GSN: variants seen among roughly 807,000 people sequenced by gnomAD.
GSN encodes the protein actin-depolymerizing factor.
In GSN, 56 loss-of-function variants were observed where a neutral mutation model predicts 85.7. That is an observed-to-expected ratio of 0.65 (90% CI 0.53 to 0.82). The LOEUF is 0.82. Among genes scored for constraint, GSN ranks in the 40% least tolerant of loss-of-function variants. GSN has a pLI of 0.00. For missense variants in GSN, 857 were observed against 979.8 expected (o/e 0.87, Z 1.67); for synonymous variants, 373 against 399.1 (o/e 0.93, Z 0.78).
At chr9:121,288,178 T>C (rs1385793675) in intron 2 of GSN, among the ~76,000 whole-genome samples, 1 of 152,164 alleles carries the variant, frequency 6.6e-6, no homozygotes, top group Non-Finnish European at 1.5e-5. Context: ...TCCTCCCGCC[T>C]CAGCCTTCCA....
intron 4 of GSN, among the ~76,000 whole-genome samples, chr9:121,212,832 A>T (rs2053992311): frequency 6.6e-6 from 1 of 151,782 alleles, no homozygotes. Context: ...TTTTTTTAGT[A>T]GAGTAGGGGT....
intron 6 of GSN, among the ~76,000 whole-genome samples, chr9:121,256,605 C>T (rs909039642): frequency 3.3e-5 from 5 of 151,918 alleles, no homozygotes; most frequent in South Asian, 4.2e-4. Flanking sequence ...AGGCTGGGCT[C>T]GGTGGCTTAT....
At chr9:121,201,650 C>G in the GSN span, 1 of 152,424 alleles carries the variant, frequency 6.6e-6, no homozygotes, top group Non-Finnish European at 1.5e-5. Context: ...TGGGGGGTTG[C>G]TGGTGGCTGG....
At chr9:121,286,718 C>T (rs1285614173) in intron 2 of GSN, 2 of 1,535,328 alleles carry the variant, frequency 1.3e-6, no homozygotes, top group African/African-American at 2.7e-5. Flanking sequence ...CCATCATTCT[C>T]CTTACCTGTC....
chr9:121,241,518 G>A (rs767022133), intron 5 of GSN, among the ~76,000 whole-genome samples: 2 of 152,008 alleles, frequency 1.3e-5, no homozygotes, highest in Non-Finnish European at 2.9e-5. Context: ...TAACCTCTTC[G>A]GGCCTTAGTT....
chr9:121,308,535 C>G (rs572134027), intron 4 of GSN: 1 of 152,328 alleles, frequency 6.6e-6, no homozygotes, highest in South Asian at 2.1e-4. Context: ...CAAAAATTAG[C>G]TGGGCATGGT....
intron 4 of GSN, among the ~76,000 whole-genome samples, chr9:121,220,084 T>C (rs1413280224): frequency 6.6e-6 from 1 of 152,190 alleles, no homozygotes; most frequent in Non-Finnish European, 1.5e-5. Flanking sequence ...GGTTTCTCCA[T>C]GTTGGTCAGG....
At chr9:121,286,327 A>G (rs2058069950) in intron 2 of GSN, 1 of 638,686 alleles carries the variant, frequency 1.6e-6, no homozygotes. Context: ...TTCCAATTCT[A>G]TTCTCTCCCT....
At chr9:121,228,424 ATTTTTTTTTTTTTTTTT>A (rs869071386) in intron 4 of GSN, among the ~76,000 whole-genome samples, 2 of 48,120 alleles carry the variant, frequency 4.2e-5, no homozygotes, top group African/African-American at 1.7e-4. Flanking sequence ...ATATATATAT[ATTTTTTTTTTTTTTTTT>A]TTTTTTTTTT....
intron 5 of GSN, among the ~76,000 whole-genome samples, chr9:121,237,292 T>C (rs1247692976): frequency 1.3e-5 from 2 of 152,194 alleles, no homozygotes; most frequent in Non-Finnish European, 2.9e-5. Flanking sequence ...CTAGGGGTGA[T>C]GTCTCATGCC....
intron 1 of GSN, among the ~76,000 whole-genome samples, chr9:121,277,135 G>A (rs1357424013): frequency 6.7e-6 from 1 of 150,056 alleles, no homozygotes; most frequent in African/African-American, 2.5e-5. Flanking sequence ...AGATCCAGTG[G>A]TAGATCTTGG....
chr9:121,230,096 A>G (rs2054357897), intron 4 of GSN, among the ~76,000 whole-genome samples: 1 of 152,100 alleles, frequency 6.6e-6, no homozygotes. Flanking sequence ...TTGATATTCA[A>G]ATTGTCTCAT....
chr9:121,244,686 C>T (rs764250597), intron 5 of GSN, among the ~76,000 whole-genome samples: 2 of 152,118 alleles, frequency 1.3e-5, no homozygotes, highest in Non-Finnish European at 1.5e-5. Flanking sequence ...AAATTTTAAT[C>T]GATGGAAAAC....
intron 7 of GSN, among the ~76,000 whole-genome samples, chr9:121,315,498 T>A (rs2061609130): frequency 6.6e-6 from 1 of 152,080 alleles, no homozygotes. Context: ...GCATGGTGGC[T>A]CACCCCTGTA....
At chr9:121,228,424 ATTTT>A (rs869071386) in intron 4 of GSN, among the ~76,000 whole-genome samples, 493 of 47,944 alleles carry the variant, frequency 0.01, 1 homozygote, top group East Asian at 0.042. Context: ...ATATATATAT[ATTTT>A]TTTTTTTTTT....
chr9:121,231,261 A>G (rs1035979988), exon 5 of GSN: 1 of 152,198 alleles, frequency 6.6e-6, no homozygotes, highest in African/African-American at 2.4e-5. Flanking sequence ...CTCATCAGCA[A>G]ACGGCATTCC....
upstream of GSN, among the ~76,000 whole-genome samples, chr9:121,266,982 C>G (rs1274427897): frequency 2.0e-5 from 3 of 152,178 alleles, no homozygotes; most frequent in Non-Finnish European, 4.4e-5. Context: ...ACAGCCTTTT[C>G]TGCTCTGATC....
chr9:121,324,610 A>G lies in GSN; in HGVS notation c.1382A>G (p.Gln461Arg), dbSNP rs1242355446. Residue 461 changes from glutamine (Q) to arginine (R), a missense_variant, in exon 12 of 18, where the codon CAG becomes CGG. Physicochemically the swap from Gln to Arg is conservative, Grantham distance 43. Coordinates refer to ENST00000432226, the MANE Select transcript of GSN (RefSeq NM_198252.3). The stretch of plus-strand genomic sequence containing the variant: ...GCTGCATCTGCCATCCTGACTGCTC[A>G]GCTGGATGAGGAGCTGGGAGGTACC... Reference protein sequence around the residue: ...EVAASAILTAQLDEELGGTPV... With the variant: ...EVAASAILTARLDEELGGTPV... 2.3e-5 allele frequency: 36 copies of G among 1,545,074 alleles called. No homozygotes were observed. Among genetic ancestry groups the G allele is most frequent in the Non-Finnish European group, 3.1e-5 (36 of 1,143,128 alleles).
intron 12 of GSN, among the ~76,000 whole-genome samples, chr9:121,325,191 A>G (rs553220718): frequency 2.6e-5 from 4 of 152,214 alleles, no homozygotes; most frequent in Non-Finnish European, 5.9e-5. Flanking sequence ...CATGCCTGCC[A>G]TATAAGAAGT....
Sources: allele counts gnomAD v4.1 joint callset (sites outside exome capture counted in the v4.1 genomes callset), GRCh38; gene constraint gnomAD v4.1.1; transcripts MANE v1.5; gene names NCBI Gene and HGNC (gene_info 2026-07-23, HGNC 2026-07-21).